RBPJ: variants seen among roughly 807,000 people sequenced by gnomAD.
The protein encoded by RBPJ is recombining binding protein suppressor of hairless.
Under a neutral mutation model 67.8 loss-of-function variants are expected in RBPJ, and 9 were observed. The observed-to-expected ratio is 0.13, with a 90% CI of 0.08 to 0.23. The LOEUF (loss-of-function observed/expected upper bound fraction) is 0.23, where lower values mean the gene tolerates loss of function less well. Among genes scored for constraint, RBPJ ranks in the 10% least tolerant of loss-of-function variants. The pLI is 1.00. For missense variants in RBPJ, 305 were observed against 595.6 expected, an observed-to-expected ratio of 0.51 and a Z score of 5.08; for synonymous variants, 198 against 203.3, an observed-to-expected ratio of 0.97 and a Z score of 0.22.
intron 5 of RBPJ, among the ~76,000 whole-genome samples, chr4:26,422,400 G>A (rs759614643): frequency 2.2e-4 from 34 of 152,084 alleles, no homozygotes; most frequent in Admixed American, 1.9e-3. Context: ...TTCTGCATTC[G>A]TTAGCTGGAG....
chr4:26,110,467 G>A, the RBPJ span, among the ~76,000 whole-genome samples: 2 of 152,256 alleles, frequency 1.3e-5, no homozygotes, highest in South Asian at 2.1e-4. This position sits in a 1 kb window ranked among gnomAD's most constrained non-coding sequence, Gnocchi z 4.5. Context: ...CTGTCCTTCA[G>A]CTGGCCGCTT....
chr4:26,406,133 G>T (rs376216991), intron 2 of RBPJ, 42 bp from the exon 3 acceptor site: 79 of 1,283,684 alleles, frequency 6.2e-5, no homozygotes, highest in Non-Finnish European at 8.7e-5. Context: ...ATTTCATCAA[G>T]AATTTCACCT....
intron 1 of RBPJ, among the ~76,000 whole-genome samples, chr4:26,310,446 G>A (rs1722390396): frequency 6.6e-6 from 1 of 152,190 alleles, no homozygotes; most frequent in Non-Finnish European, 1.5e-5. Context: ...GCTGTCTTAG[G>A]CCCAGAGCCC....
intron 1 of RBPJ, among the ~76,000 whole-genome samples, chr4:26,292,754 T>G (rs896623572): frequency 6.6e-6 from 1 of 150,598 alleles, no homozygotes; most frequent in Non-Finnish European, 1.5e-5. Context: ...CTATTGTGTA[T>G]GTATTAAAAA....
intron 1 of RBPJ, among the ~76,000 whole-genome samples, chr4:26,360,483 G>A (rs940853232): frequency 4.6e-5 from 7 of 152,048 alleles, no homozygotes; most frequent in African/African-American, 1.7e-4. Flanking sequence ...GTGATGATAG[G>A]TTTACAGAGA....
At chr4:26,228,586 A>G (rs1008643557) in intron 1 of RBPJ, among the ~76,000 whole-genome samples, 4 of 152,238 alleles carry the variant, frequency 2.6e-5, no homozygotes, top group African/African-American at 9.6e-5. Flanking sequence ...TCAGGTTTCT[A>G]TAACATCTTC....
intron 1 of RBPJ, among the ~76,000 whole-genome samples, chr4:26,379,567 A>G (rs138264594): frequency 8.6e-4 from 131 of 152,248 alleles, no homozygotes; most frequent in African/African-American, 3.0e-3. Context: ...ACATGAAATC[A>G]TCAGATCTCA....
chr4:26,150,777 G>A, the RBPJ span, among the ~76,000 whole-genome samples: 1 of 152,158 alleles, frequency 6.6e-6, no homozygotes. Flanking sequence ...CTCATGGGGT[G>A]AGGGAAATGT....
chr4:26,346,636 A>G (rs1246493727), intron 1 of RBPJ, among the ~76,000 whole-genome samples: 1 of 152,192 alleles, frequency 6.6e-6, no homozygotes, highest in Non-Finnish European at 1.5e-5. Context: ...GGACTTCCAT[A>G]CCCTCACTAT....
chr4:26,190,956 G>A (rs1050799205), intron 1 of RBPJ, among the ~76,000 whole-genome samples: 1 of 151,042 alleles, frequency 6.6e-6, no homozygotes, highest in Non-Finnish European at 1.5e-5. Flanking sequence ...CACCAGCCTG[G>A]GCAACATACC....
At chr4:26,385,335 T>C (rs1489197954) in intron 1 of RBPJ, among the ~76,000 whole-genome samples, 1 of 152,062 alleles carries the variant, frequency 6.6e-6, no homozygotes, top group Non-Finnish European at 1.5e-5. Context: ...GTGTTTTCTG[T>C]ATATTAATTA....
At chr4:26,400,542 G>T (rs116294369) in intron 2 of RBPJ, among the ~76,000 whole-genome samples, 147 of 152,268 alleles carry the variant, frequency 9.7e-4, no homozygotes, top group African/African-American at 3.3e-3. Context: ...AGAGTATATC[G>T]TCTTGTTTTA....
rs2109300404 is a variant in RBPJ at position 26,302,216 on chromosome 4, G to A, written c.-166-60230G>A. 1.3e-5 allele frequency among the ~76,000 whole-genome samples: 2 copies of A among 152,340 alleles called. 1 individual carries two copies. Among genetic ancestry groups the A allele is most frequent in the South Asian group, 4.1e-4 (2 of 4,826 alleles). On this transcript the variant is annotated intron_variant, in intron 1 of 4. Transcript: ENST00000512351. Reference sequence around the variant, plus strand: ...GAACCTTAGCCATTGGAGCTGTCAAGGAGTTACCTCAATCATGGGTCCCAG... The same window carrying A: ...GAACCTTAGCCATTGGAGCTGTCAAAGAGTTACCTCAATCATGGGTCCCAG...
At chr4:26,184,201 G>GAAAGA (rs112389999) in intron 1 of RBPJ, among the ~76,000 whole-genome samples, 26,686 of 146,154 alleles carry the variant, frequency 0.18, 3,054 homozygotes, top group African/African-American at 0.31. Flanking sequence ...AAAAAAGAAA[G>GAAAGA]AAAAAAAATG....
At chr4:26,176,207 A>G (rs1369997827) in intron 1 of RBPJ, among the ~76,000 whole-genome samples, 2 of 152,228 alleles carry the variant, frequency 1.3e-5, no homozygotes, top group Non-Finnish European at 2.9e-5. Context: ...TCTTTGCTCA[A>G]TCCAGCAACT....
chr4:26,433,822 A>T lies in RBPJ; in HGVS notation c.*2815A>T, dbSNP rs1359768976. 2.6e-5 allele frequency: 4 copies of T among 152,288 alleles called. No homozygotes were observed. The highest frequency in any genetic ancestry group is 9.6e-5 in the African/African-American group (4 of 41,566). 9.4% of individuals were successfully genotyped at this position (152,288 alleles called of 1,614,324 possible). On this transcript the variant is annotated 3_prime_UTR_variant, in exon 11 of 11. Coordinates refer to ENST00000355476, the MANE Select transcript of RBPJ (RefSeq NM_015874.6). ...AGGAACCTTGTCCTCTGGTTATAGT[A>T]GACTGTGTGCCCTCCTCCAGTGATG...
chr4:26,253,057 G>A (rs189204682), intron 1 of RBPJ, among the ~76,000 whole-genome samples: 23 of 152,310 alleles, frequency 1.5e-4, no homozygotes, highest in African/African-American at 5.5e-4. Context: ...TTCAATGACA[G>A]CCACTGATAT....
At chr4:26,257,982 C>T (rs1045811387) in intron 1 of RBPJ, among the ~76,000 whole-genome samples, 1 of 152,204 alleles carries the variant, frequency 6.6e-6, no homozygotes, top group African/African-American at 2.4e-5. Context: ...GGTATGAGAA[C>T]ATAATCTGTA....
intron 3 of RBPJ, among the ~76,000 whole-genome samples, chr4:26,411,636 C>G (rs1220580188): frequency 6.6e-6 from 1 of 151,298 alleles, no homozygotes; most frequent in Admixed American, 6.6e-5. Flanking sequence ...ATATTTATTA[C>G]ATGATTGGAA....
Sources: allele counts gnomAD v4.1 joint callset (sites outside exome capture counted in the v4.1 genomes callset), GRCh38; gene constraint gnomAD v4.1.1; non-coding constraint Gnocchi (gnomAD v3.1); transcripts MANE v1.5; gene names NCBI Gene and HGNC (gene_info 2026-07-23, HGNC 2026-07-21).